The following RBFOX2 variants were observed in gnomAD, a reference collection of about 807,000 sequenced individuals.
RBFOX2 encodes the protein RNA binding protein fox-1 homolog 2.
RBFOX2 carries 10 observed loss-of-function variants against 49.1 expected under a neutral mutation model. That is an observed-to-expected ratio of 0.20 (90% CI 0.13 to 0.35). The LOEUF (loss-of-function observed/expected upper bound fraction) is 0.35. Among genes scored for constraint, RBFOX2 ranks in the 10% least tolerant of loss-of-function variants. The pLI is 1.00. For missense variants in RBFOX2, 323 were observed against 486.9 expected, an observed-to-expected ratio of 0.66 and a Z score of 3.17; for synonymous variants, 183 against 187.4, an observed-to-expected ratio of 0.98 and a Z score of 0.19.
chr22:35,994,895 G>A (rs1221745373), intron 1 of RBFOX2: 1 of 152,118 alleles, frequency 6.6e-6, no homozygotes, highest in East Asian at 1.9e-4. Context: ...CAAGTCTAGA[G>A]GATTTCTTCT....
upstream of RBFOX2, among the ~76,000 whole-genome samples, chr22:35,965,752 A>G (rs1198075336): frequency 6.6e-6 from 1 of 152,174 alleles, no homozygotes; most frequent in East Asian, 1.9e-4. Context: ...CAACACATAA[A>G]CACAAAAATG....
exon 12 of RBFOX2, chr22:35,743,497 G>C (rs1360424017): frequency 6.6e-6 from 1 of 152,168 alleles, no homozygotes; most frequent in Non-Finnish European, 1.5e-5. Flanking sequence ...CACTGTCTGA[G>C]AGCACGTTTG....
upstream of RBFOX2, among the ~76,000 whole-genome samples, chr22:35,843,670 G>GTTCACCCTC (rs2040802855): frequency 6.6e-6 from 1 of 152,068 alleles, no homozygotes. Context: ...CTCTTTCCCT[G>GTTCACCCTC]TTCACCCTCT....
chr22:35,851,147 A>C (rs2041894466), intron 1 of RBFOX2, among the ~76,000 whole-genome samples: 2 of 152,212 alleles, frequency 1.3e-5, no homozygotes, highest in Admixed American at 1.3e-4. Flanking sequence ...ATTGTTCAGA[A>C]GAAACAGATT....
At chr22:36,028,305 C>T (rs769783955) in exon 1 of RBFOX2, 1 of 1,529,186 alleles carries the variant, frequency 6.5e-7, no homozygotes. Context: ...AGGCCGGGAT[C>T]GGCTCCGTCT....
intron 1 of RBFOX2, among the ~76,000 whole-genome samples, chr22:35,955,937 T>C (rs1355633322): frequency 6.6e-6 from 1 of 152,252 alleles, no homozygotes; most frequent in Non-Finnish European, 1.5e-5. Flanking sequence ...TTTAATAGCC[T>C]TTTCGCCTAT....
At chr22:35,876,701 A>AAC (rs142455818) in intron 1 of RBFOX2, among the ~76,000 whole-genome samples, 12,978 of 140,456 alleles carry the variant, frequency 0.092, 657 homozygotes, top group Middle Eastern at 0.16. Flanking sequence ...CATTAAAAGA[A>AAC]ACACACACAC....
intron 1 of RBFOX2, among the ~76,000 whole-genome samples, chr22:35,974,451 G>A (rs1037125964): frequency 4.6e-5 from 7 of 152,162 alleles, no homozygotes; most frequent in Admixed American, 3.9e-4. Context: ...TTGTTTGGGA[G>A]GCCGAGGCGG....
chr22:35,928,520 C>T (rs2051952754), intron 1 of RBFOX2, among the ~76,000 whole-genome samples: 1 of 152,146 alleles, frequency 6.6e-6, no homozygotes, highest in Non-Finnish European at 1.5e-5. Flanking sequence ...GAAGGAACCA[C>T]CAGGCCTCAG....
chr22:35,974,421 AC>A (rs1434259524), intron 1 of RBFOX2, among the ~76,000 whole-genome samples: 31 of 152,318 alleles, frequency 2.0e-4, no homozygotes, highest in Admixed American at 1.1e-3. Context: ...ACAGTGGCTC[AC>A]GCCTGTTATC....
chr22:36,026,232 G>C (rs532263212), intron 1 of RBFOX2, among the ~76,000 whole-genome samples: 1 of 150,596 alleles, frequency 6.6e-6, no homozygotes, highest in Non-Finnish European at 1.5e-5. Flanking sequence ...AGCCGAGATC[G>C]TGCCATTGCA....
chr22:35,843,266 G>A (rs1314395172), upstream of RBFOX2, among the ~76,000 whole-genome samples: 3 of 152,166 alleles, frequency 2.0e-5, no homozygotes, highest in African/African-American at 7.2e-5. Flanking sequence ...GGCAGGGGCT[G>A]GGAAGCTTTG....
At chr22:35,862,862 T>C (rs1311424833) in intron 1 of RBFOX2, among the ~76,000 whole-genome samples, 1 of 152,246 alleles carries the variant, frequency 6.6e-6, no homozygotes. Flanking sequence ...TCAGTTGATA[T>C]ATGAATAGGC....
chr22:35,928,316 G>A (rs1361416971), intron 1 of RBFOX2, among the ~76,000 whole-genome samples: 2 of 151,940 alleles, frequency 1.3e-5, no homozygotes, highest in African/African-American at 4.8e-5. Flanking sequence ...TTATATAGAA[G>A]CTACAGTTTA....
intron 1 of RBFOX2, among the ~76,000 whole-genome samples, chr22:35,933,781 A>G (rs978060106): frequency 6.6e-6 from 1 of 151,996 alleles, no homozygotes; most frequent in African/African-American, 2.4e-5. Context: ...TAAACCACCT[A>G]AAACTAGTAA....
chr22:35,976,063 T>C (rs944982567), intron 1 of RBFOX2, among the ~76,000 whole-genome samples: 6 of 152,206 alleles, frequency 3.9e-5, no homozygotes, highest in Non-Finnish European at 7.3e-5. Flanking sequence ...ATTTAAGTCC[T>C]AACTCTGCCA....
intron 9 of RBFOX2, chr22:35,752,751 T>C (rs954933189): frequency 3.5e-6 from 2 of 566,672 alleles, no homozygotes; most frequent in African/African-American, 4.1e-5. Context: ...CAGCCTTTTC[T>C]TTCCTTTGGA....
At chr22:35,955,776 G>C in intron 1 of RBFOX2, among the ~76,000 whole-genome samples, 1 of 152,184 alleles carries the variant, frequency 6.6e-6, no homozygotes, top group East Asian at 1.9e-4. Context: ...CCACAAGCCA[G>C]TACCAGACTG....
Position 35,879,079 on chromosome 22 carries a change from A to T in RBFOX2, c.-34+59768T>A, listed in dbSNP as rs185626534. ...AGAAGATAAATGCTATGAAAAATTT[A>T]AAGTAAAATGGCTTTCAAAAGGCCT... is the stretch of plus-strand genomic sequence containing the variant. On this transcript the variant is annotated intron_variant, in intron 1 of 13. Coordinates refer to the RBFOX2 transcript ENST00000359369. 4.4e-3 allele frequency among the ~76,000 whole-genome samples: 674 copies of T among 152,364 alleles called. 4 individuals carry two copies. Among genetic ancestry groups the T allele is most frequent in the Non-Finnish European group, 8.0e-3 (547 of 68,030 alleles).
Sources: allele counts gnomAD v4.1 joint callset (sites outside exome capture counted in the v4.1 genomes callset), GRCh38; gene constraint gnomAD v4.1.1; transcripts MANE v1.5; gene names NCBI Gene and HGNC (gene_info 2026-07-23, HGNC 2026-07-21).